The following ERCC6L2 variants were observed in gnomAD, a reference collection of about 807,000 sequenced individuals.
ERCC6L2 encodes DNA excision repair protein ERCC-6-like 2.
ERCC6L2 carries 77 observed loss-of-function variants against 132.0 expected under a neutral mutation model. The ratio of observed to expected loss-of-function variants is 0.58; its 90% CI spans 0.49 to 0.71. The LOEUF (loss-of-function observed/expected upper bound fraction) is 0.71. ERCC6L2 is among the 30% of genes least tolerant of loss of function. The probability of loss-of-function intolerance (pLI) is 0.00; values close to 1 mark genes in which losing one functional copy is unlikely to be tolerated. For synonymous variants in ERCC6L2, 583 were observed against 632.4 expected, an observed-to-expected ratio of 0.92 and a Z score of 1.17; for missense variants, 1,542 against 1,837.6, an observed-to-expected ratio of 0.84 and a Z score of 2.94.
intron 17 of ERCC6L2, among the ~76,000 whole-genome samples, chr9:95,996,245 T>G (rs1366074222): frequency 6.6e-6 from 1 of 152,242 alleles, no homozygotes; most frequent in African/African-American, 2.4e-5. Flanking sequence ...AATATTCCCT[T>G]AAGCCTAGGC....
At chr9:95,953,435 G>A (rs1016501727) in intron 12 of ERCC6L2, among the ~76,000 whole-genome samples, 1 of 151,962 alleles carries the variant, frequency 6.6e-6, no homozygotes, top group African/African-American at 2.4e-5. Flanking sequence ...AAATAGCTGG[G>A]CGTGGTGGTG....
In ERCC6L2 at chr9:95,875,995, C is replaced by A; in HGVS notation, c.-44C>A. On this transcript the variant is annotated 5_prime_UTR_variant, in exon 1 of 19. Transcript: ENST00000653738. ...CCACCTTGCTGTCCTCCGCCGCCTT[C>A]CGGGTGTTACATGCAGCCGGGCTCG... The A allele has an allele frequency of 6.4e-7, 1 of 1,564,382 alleles. No homozygotes were observed. Among genetic ancestry groups the A allele is most frequent in the Admixed American group, 1.9e-5 (1 of 53,846 alleles).
At chr9:95,899,933 A>G (rs1252136980) in intron 3 of ERCC6L2, among the ~76,000 whole-genome samples, 1 of 152,106 alleles carries the variant, frequency 6.6e-6, no homozygotes, top group Non-Finnish European at 1.5e-5. Flanking sequence ...TAGTATTTCA[A>G]TTTGTAGTTA....
chr9:96,005,595 C>G (rs1833839371), intron 18 of ERCC6L2, among the ~76,000 whole-genome samples: 1 of 151,400 alleles, frequency 6.6e-6, no homozygotes. Context: ...TTGGTGTGGT[C>G]AAGGAGCTGG....
intron 4 of ERCC6L2, among the ~76,000 whole-genome samples, chr9:95,911,229 C>T (rs1176619397): frequency 2.6e-5 from 4 of 152,058 alleles, no homozygotes; most frequent in African/African-American, 9.7e-5. Flanking sequence ...ACTGTACCAC[C>T]CCAAAAGATG....
In ERCC6L2 at chr9:95,943,644, C is replaced by CCT. The variant is rs772576302; in HGVS notation, c.1847+2096_1847+2097dup. ...TAATATCTAGAATATAAAAAGAACT[C>CCT]CTAAAACTCAACAACAACAAAAAAC... On this transcript the variant is annotated intron_variant, in intron 12 of 18. Coordinates refer to ENST00000653738, the MANE Select transcript of ERCC6L2 (RefSeq NM_020207.7). Among the ~76,000 whole-genome samples, 8 of 152,006 alleles carry CCT rather than the reference C, an allele frequency of 5.3e-5. No homozygotes were observed. In the East Asian group the frequency reaches 5.8e-4, roughly 11 times the overall value.
intron 2 of ERCC6L2, among the ~76,000 whole-genome samples, chr9:95,891,593 C>CT (rs201492696): frequency 0.027 from 3,747 of 136,890 alleles, 127 homozygotes; most frequent in African/African-American, 0.081. Flanking sequence ...TTCAGTGTTT[C>CT]TTTTTTTTTT....
rs1829709916 is a variant in ERCC6L2, at chr9:95,918,545, T to C, written c.1158+2111T>C. Reference sequence around the variant, plus strand: ...CTAAAGACAAAATGATGAATGGAAGTCATTACAGCTACTCTGAGAATTGTG... The same window carrying C: ...CTAAAGACAAAATGATGAATGGAAGCCATTACAGCTACTCTGAGAATTGTG... On this transcript the variant is annotated intron_variant, in intron 6 of 18. Coordinates refer to ENST00000653738, the MANE Select transcript of ERCC6L2 (RefSeq NM_020207.7). 6.6e-6 allele frequency: 3 copies of C among 455,698 alleles called. No individual in the cohort carries two copies. In the East Asian group the frequency reaches 1.8e-4, roughly 28 times the overall value. 28.2% of individuals were successfully genotyped at this position (455,698 alleles called of 1,614,324 possible).
At chr9:95,997,974 A>G (rs143108719) in intron 17 of ERCC6L2, among the ~76,000 whole-genome samples, 8 of 152,370 alleles carry the variant, frequency 5.3e-5, no homozygotes, top group African/African-American at 1.9e-4. Context: ...CAACTTTTCT[A>G]ACGAGCACCA....
intron 2 of ERCC6L2, among the ~76,000 whole-genome samples, chr9:95,896,346 T>C (rs1289930988): frequency 6.6e-6 from 1 of 152,132 alleles, no homozygotes; most frequent in African/African-American, 2.4e-5. Flanking sequence ...TTCCATTCTT[T>C]TTCCTGCAAG....
rs186505528 is a variant in ERCC6L2 at position 95,901,612 on chromosome 9, G to A, written c.594+3641G>A. Among the ~76,000 whole-genome samples the A allele has an allele frequency of 1.6e-3, 246 of 152,298 alleles. 1 individual carries two copies. Among genetic ancestry groups the A allele is most frequent in the African/African-American group, 5.6e-3 (234 of 41,578 alleles). On this transcript the variant is annotated intron_variant, in intron 3 of 18. Coordinates refer to ENST00000653738, the MANE Select transcript of ERCC6L2 (RefSeq NM_020207.7). ...GCGGGGGAGGGCAGGGGGAGTTTTT[G>A]CTTTCAGAGGTGTAGGGCGGATTGC...
At chr9:95,966,355 T>C (rs997636007) in intron 13 of ERCC6L2, among the ~76,000 whole-genome samples, 1 of 152,196 alleles carries the variant, frequency 6.6e-6, no homozygotes, top group Non-Finnish European at 1.5e-5. Context: ...ATAGGAAATA[T>C]AAGATCTCTG....
In ERCC6L2 at chr9:96,036,403, C is replaced by T. The variant is rs548167221; in HGVS notation, c.*1504-2473C>T. On this transcript the variant is annotated intron_variant and NMD_transcript_variant, in intron 19 of 20. Transcript: ENST00000670016. ...TCCTTTTTAAGGCTGCATAATATTC[C>T]ACATTTTGTTTCTCCATTCATCCAT... Among the ~76,000 whole-genome samples, 12 of 152,240 alleles carry T rather than the reference C, an allele frequency of 7.9e-5. No homozygotes were observed. The South Asian group carries it at 2.5e-3, about 32-fold the overall frequency.
At chr9:95,999,300 G>T (rs1394125297) in intron 17 of ERCC6L2, among the ~76,000 whole-genome samples, 3 of 152,050 alleles carry the variant, frequency 2.0e-5, no homozygotes, top group Non-Finnish European at 4.4e-5. Context: ...GGCGGAGCTT[G>T]CAGTGAGCCG....
intron 20 of ERCC6L2, among the ~76,000 whole-genome samples, chr9:96,039,841 T>A (rs980753515): frequency 7.2e-5 from 11 of 152,002 alleles, no homozygotes; most frequent in Middle Eastern, 3.2e-3. Flanking sequence ...CAGGCTACAG[T>A]GGACAGGCAA....
At chr9:96,020,694 T>G (rs1389576357), downstream of ERCC6L2, 1 of 437,232 alleles carries the variant, frequency 2.3e-6, no homozygotes, top group Non-Finnish European at 4.6e-6. Flanking sequence ...CAAGCAAGGC[T>G]TCCGCAGCTC....
rs1040868942 is a variant in ERCC6L2, at chr9:95,953,393, G to A, written c.1848-2521G>A. Among the ~76,000 whole-genome samples the A allele has an allele frequency of 3.9e-5, 6 of 152,160 alleles. No homozygotes were observed. In the East Asian group the frequency reaches 5.8e-4, roughly 15 times the overall value. On this transcript the variant is annotated intron_variant, in intron 12 of 18. Transcript: ENST00000653738. ...AGGTCAAGACCATCCTAGCTAACAC[G>A]GTGAAACCCTGTCTCTACTAAAAAT...
chr9:95,930,295 A>T (rs1426838214), intron 11 of ERCC6L2, among the ~76,000 whole-genome samples: 2 of 151,836 alleles, frequency 1.3e-5, no homozygotes, highest in Non-Finnish European at 2.9e-5. Context: ...AAAGTTTTGG[A>T]TTCCTATTTT....
intron 17 of ERCC6L2, among the ~76,000 whole-genome samples, chr9:95,980,537 T>C (rs1301087386): frequency 6.6e-6 from 1 of 152,154 alleles, no homozygotes; most frequent in African/African-American, 2.4e-5. Flanking sequence ...ATTTCAAAGC[T>C]GTCTCACAGA....
Sources: allele counts gnomAD v4.1 joint callset (sites outside exome capture counted in the v4.1 genomes callset), GRCh38; gene constraint gnomAD v4.1.1; transcripts MANE v1.5; gene names NCBI Gene and HGNC (gene_info 2026-07-23, HGNC 2026-07-21).